The following MUC5B variants were observed in gnomAD, a reference collection of about 807,000 sequenced individuals.
The protein encoded by MUC5B is mucin 5B, oligomeric mucus/gel-forming.
A neutral mutation model predicts 376.9 loss-of-function variants in MUC5B; 116 were observed. The ratio of observed to expected loss-of-function variants is 0.31; its 90% CI spans 0.26 to 0.36. The LOEUF (loss-of-function observed/expected upper bound fraction) is 0.36. Among genes scored for constraint, MUC5B ranks in the 10% least tolerant of loss-of-function variants. MUC5B has a pLI of 1.00. For synonymous variants in MUC5B, 3,517 were observed against 3,390.9 expected (o/e 1.04, Z -1.29); for missense variants, 7,165 against 7,769.9 (o/e 0.92, Z 2.93).
chr11:1,258,825 A>G lies in MUC5B; in HGVS notation c.16594-117A>G. ...TGGGTCCATGCTCAGCCAGGGGTGCATCTATGCTCCATCTGAGGAAGGAAC... is the reference window on the plus strand; with the variant it reads ...TGGGTCCATGCTCAGCCAGGGGTGCGTCTATGCTCCATCTGAGGAAGGAAC... On this transcript the variant is annotated intron_variant, in intron 43 of 48. Transcript: ENST00000529681. This position sits in a 1 kb window ranked among gnomAD's most constrained non-coding sequence, Gnocchi z 5.5. 1 of 1,389,560 alleles carries G rather than the reference A, an allele frequency of 7.2e-7. No homozygotes were observed. Among genetic ancestry groups the G allele is most frequent in the Non-Finnish European group, 9.7e-7 (1 of 1,030,752 alleles). 86.1% of individuals were successfully genotyped at this position (1,389,560 alleles called of 1,614,324 possible). A position where few individuals can be genotyped will look rare whatever the true frequency, so the allele number is the denominator to read the frequency against.
rs1039817427 is a variant in MUC5B at position 1,241,835 on chromosome 11, C to A, written c.4955C>A (p.Thr1652Asn). 1.1e-5 allele frequency: 17 copies of A among 1,613,348 alleles called. No individual in the cohort carries two copies. The African/African-American group carries it at 1.5e-4, about 14-fold the overall frequency. ...APPASTTAVPTLSEGLTSPRY... is the reference protein window; with the variant it reads ...APPASTTAVPNLSEGLTSPRY... ...CCGGCCAGCACCACAGCAGTCCCCACCCTCTCAGAAGGACTGACATCCCCC... is the reference window on the plus strand; with the variant it reads ...CCGGCCAGCACCACAGCAGTCCCCAACCTCTCAGAAGGACTGACATCCCCC... The change falls in exon 31 of 49, where the codon ACC becomes AAC. Residue 1652 changes from threonine to asparagine, a missense_variant. Transcript: ENST00000529681.
In MUC5B at chr11:1,227,790, C is replaced by T. The variant is rs1253309723; in HGVS notation, c.774+9C>T. 2 of 700,334 alleles carry T rather than the reference C, an allele frequency of 2.9e-6. No homozygotes were observed. Among genetic ancestry groups the T allele is most frequent in the East Asian group, 5.4e-5 (2 of 36,716 alleles). The allele number at this position is 700,334 out of a possible 1,614,324, so 43.4% of individuals were successfully genotyped here. A position where few individuals can be genotyped will look rare whatever the true frequency, so the allele number is the denominator to read the frequency against. ...GCAACTGCACGGACGAGGTGAGTCC[C>T]CCGCCACCCCCAGCTCCTGGGCAGG... is the stretch of plus-strand genomic sequence containing the variant. On this transcript the variant is annotated intron_variant, in intron 7 of 48. Coordinates refer to ENST00000529681, the MANE Select transcript of MUC5B (RefSeq NM_002458.3).
At chr11:1,260,281 T>A in intron 46 of MUC5B, 70 bp from the exon 47 acceptor site, 1 of 1,399,340 alleles carries the variant, frequency 7.1e-7, no homozygotes, top group Non-Finnish European at 9.8e-7. Flanking sequence ...GGTGGGCCCC[T>A]CCCCAGGAGG....
In MUC5B at chr11:1,261,698, G is replaced by GC; in HGVS notation, c.*96dup. 2 of 1,314,060 alleles carry GC rather than the reference G, an allele frequency of 1.5e-6. No individual in the cohort carries two copies. Among genetic ancestry groups the GC allele is most frequent in the Non-Finnish European group, 2.1e-6 (2 of 941,960 alleles). 81.4% of individuals were successfully genotyped at this position (1,314,060 alleles called of 1,614,324 possible). ...GAAAACCTTGGGCCTCCTCTGCGGA[G>GC]CCCCCCGGCCTGTGTGTGGCACCCC... On this transcript the variant is annotated 3_prime_UTR_variant, in exon 49 of 49. Transcript: ENST00000529681.
rs753214381 is a variant in MUC5B at position 1,229,680 on chromosome 11, C to A, written c.1103-10C>A. ...CATGGGCCGGCCCTGCCTCACGCCG[C>A]GCCCCACAGGCACGGTGCTGGATGA... On this transcript the variant is annotated splice_polypyrimidine_tract_variant and intron_variant, in intron 9 of 48. Transcript: ENST00000529681. 6.4e-7 allele frequency: 1 copy of A among 1,554,094 alleles called. No individual in the cohort carries two copies. Among genetic ancestry groups the A allele is most frequent in the South Asian group, 1.2e-5 (1 of 85,074 alleles).
rs55750109 is a variant in MUC5B, at chr11:1,252,243, G to A, written c.14864-100G>A. The A allele has an allele frequency of 2.4e-3, 2,863 of 1,206,788 alleles. 50 individuals are homozygous for A. In the African/African-American group the frequency reaches 0.038, roughly 16 times the overall value. 74.8% of individuals were successfully genotyped at this position (1,206,788 alleles called of 1,614,324 possible). A position where few individuals can be genotyped will look rare whatever the true frequency, so the allele number is the denominator to read the frequency against. Reference sequence around the variant, plus strand: ...CCTCTCCACTCCCTTCCCTGGAACCGCTGCTCCCTCCTGCGCTGACCTCTG... The same window carrying A: ...CCTCTCCACTCCCTTCCCTGGAACCACTGCTCCCTCCTGCGCTGACCTCTG... On this transcript the variant is annotated intron_variant, in intron 31 of 48. Coordinates refer to ENST00000529681, the MANE Select transcript of MUC5B (RefSeq NM_002458.3).
chr11:1,243,207 C>T lies in MUC5B; in HGVS notation c.6327C>T (p.Thr2109=), dbSNP rs1862341711. 1 of 1,586,878 alleles carries T rather than the reference C, an allele frequency of 6.3e-7. No individual in the cohort carries two copies. The highest frequency in any genetic ancestry group is 1.4e-5 in the African/African-American group (1 of 73,722). The change falls in exon 31 of 49, where the codon ACC becomes ACT. Residue 2109 remains threonine (T), a synonymous_variant. Transcript: ENST00000529681. ...CCGCCACAGTGCTGACCACCACCAC[C>T]ACAACTGTGGCCACTGGTTCTATGG... The part of the protein sequence containing the change: ...THTATVLTTT[T]TTVATGSMAT...
Position 1,248,071 on chromosome 11 carries a change from G to A in MUC5B, c.11191G>A (p.Val3731Met), listed in dbSNP as rs201681349. The A allele has an allele frequency of 2.5e-5, 40 of 1,603,502 alleles. No homozygotes were observed. Among genetic ancestry groups the A allele is most frequent in the Admixed American group, 3.4e-5 (2 of 59,404 alleles). ...ILTEPSTTATVTVPTGSTATA... is the reference protein window; with the variant it reads ...ILTEPSTTATMTVPTGSTATA... ...CACAGAGCCGAGCACTACAGCCACC[G>A]TGACGGTGCCCACCGGATCCACGGC... Residue 3731 changes from valine (V) to methionine (M), a missense_variant, in exon 31 of 49, where the codon GTG (valine) becomes ATG (methionine). By Grantham distance (21) the Val-to-Met change is conservative. Around this residue, in one of 31 missense-constraint regions of MUC5B, gnomAD observed 72 missense variants for 127.8 expected, o/e 0.56. Coordinates refer to ENST00000529681, the MANE Select transcript of MUC5B (RefSeq NM_002458.3).
Position 1,247,019 on chromosome 11 carries a change from G to T in MUC5B, c.10139G>T (p.Ser3380Ile), listed in dbSNP as rs1211701708. 2 of 1,551,808 alleles carry T rather than the reference G, an allele frequency of 1.3e-6. No individual in the cohort carries two copies. Among genetic ancestry groups the T allele is most frequent in the South Asian group, 1.2e-5 (1 of 84,782 alleles). ...ATGSMATPSS[S>I]TQTSGTPPSL... The stretch of plus-strand genomic sequence containing the variant: ...GGTTCTATGGCAACACCCTCCTCTA[G>T]CACACAGACCAGTGGTACTCCCCCA... Residue 3380 changes from serine (S) to isoleucine (I), a missense_variant, in exon 31 of 49, where the codon AGC (serine) becomes ATC (isoleucine). By Grantham distance (142) the Ser-to-Ile change is moderately radical. Transcript: ENST00000529681.
chr11:1,245,846 C>A lies in MUC5B; in HGVS notation c.8966C>A (p.Thr2989Lys). The A allele has an allele frequency of 1.2e-6, 2 of 1,613,564 alleles. No homozygotes were observed. The highest frequency in any genetic ancestry group is 1.7e-6 in the Non-Finnish European group (2 of 1,179,838). The change falls in exon 31 of 49, where the codon ACG becomes AAG. Residue 2989 changes from threonine (T) to lysine (K), a missense_variant. By Grantham distance (78) the Thr-to-Lys change is moderately conservative. Around this residue, in one of 31 missense-constraint regions of MUC5B, gnomAD observed 939 missense variants for 770.6 expected, o/e 1.22. Transcript: ENST00000529681. Reference sequence around the variant, plus strand: ...GCCACGCCCTCCTCCACTCCAGGGACGACCTGGATCCTCACAGAGCAGACC... The same window carrying A: ...GCCACGCCCTCCTCCACTCCAGGGAAGACCTGGATCCTCACAGAGCAGACC... ...STATPSSTPG[T>K]TWILTEQTTA...
In MUC5B at chr11:1,229,545, C is replaced by T. The variant is rs2133808785; in HGVS notation, c.1103-145C>T. 6 of 821,360 alleles carry T rather than the reference C, an allele frequency of 7.3e-6. No individual in the cohort carries two copies. The East Asian group carries it at 1.6e-4, about 22-fold the overall frequency. 50.9% of individuals were successfully genotyped at this position (821,360 alleles called of 1,614,324 possible). On this transcript the variant is annotated intron_variant, in intron 9 of 48. Transcript: ENST00000529681. ...AGGCCCAGAGGTGCTTGGTGTTCAT[C>T]CAAGCGAGTGCAGCTCAGGGCGGGG...
At position 1,227,155 on chromosome 11, in the gene MUC5B, C is replaced by G; in HGVS notation, c.576+10C>G. ...AGAGGACAGTGCCCTGGTGAGGAAG[C>G]CCCCTCGCCCCTTGCCCCTTCAGGC... On this transcript the variant is annotated intron_variant, in intron 5 of 48. Coordinates refer to ENST00000529681, the MANE Select transcript of MUC5B (RefSeq NM_002458.3). The G allele has an allele frequency of 6.2e-6, 10 of 1,606,394 alleles. No individual in the cohort carries two copies. The highest frequency in any genetic ancestry group is 8.5e-6 in the Non-Finnish European group (10 of 1,175,160).
rs372360996 is a variant in MUC5B, at chr11:1,244,365, T to G, written c.7485T>G (p.His2495Gln). 396 of 1,592,548 alleles carry G rather than the reference T, an allele frequency of 2.5e-4. 1 individual carries two copies. In the African/African-American group the frequency reaches 4.6e-3, roughly 19 times the overall value. The change falls in exon 31 of 49, where the codon CAT (histidine) becomes CAG (glutamine). Residue 2495 changes from histidine to glutamine, a missense_variant. By Grantham distance (24) the His-to-Gln change is conservative. This residue lies in a region of MUC5B where 194 missense variants were observed against 268.5 expected (regional missense o/e 0.72). Coordinates refer to ENST00000529681, the MANE Select transcript of MUC5B (RefSeq NM_002458.3). The stretch of plus-strand genomic sequence containing the variant: ...CCCAGGCAACTGCTGGCACCCCACA[T>G]GTGAGCACCACGGCCACGACACCCA... ...SSTQATAGTP[H>Q]VSTTATTPTV...
In MUC5B at chr11:1,231,447, C is replaced by T. The variant is rs1445828790; in HGVS notation, c.1565C>T (p.Ser522Leu). 6.2e-7 allele frequency: 1 copy of T among 1,612,100 alleles called. No individual in the cohort carries two copies. Among genetic ancestry groups the T allele is most frequent in the Non-Finnish European group, 8.5e-7 (1 of 1,179,536 alleles). The change falls in exon 14 of 49, where the codon TCG becomes TTG. Residue 522 changes from serine to leucine, a missense_variant. Ser to Leu is a moderately radical substitution (Grantham distance 145). This residue lies in a region of MUC5B where 640 missense variants were observed against 733.0 expected (regional missense o/e 0.87). Transcript: ENST00000529681. ...SAANITLFTP[S>L]SFFIVVQTGL... ...GCCAACATCACCCTGTTCACACCCTCGAGCTTCTTCATCGTGGTGCAGACA... is the reference window on the plus strand; with the variant it reads ...GCCAACATCACCCTGTTCACACCCTTGAGCTTCTTCATCGTGGTGCAGACA...
At chr11:1,238,197 C>G (rs1371887885) in intron 25 of MUC5B, among the ~76,000 whole-genome samples, 6 of 152,194 alleles carry the variant, frequency 3.9e-5, no homozygotes, top group Non-Finnish European at 5.9e-5. Context: ...CAGCTCAGCT[C>G]CCCGCGTGGC....
In MUC5B at chr11:1,246,273, G is replaced by C. The variant is rs778855110; in HGVS notation, c.9393G>C (p.Thr3131=). 6.2e-7 allele frequency: 1 copy of C among 1,608,780 alleles called. No homozygotes were observed. Among genetic ancestry groups the C allele is most frequent in the Non-Finnish European group, 8.5e-7 (1 of 1,178,208 alleles). ...SMSTPSSTPG[T]TWILTELTTA... ...CCACCCCCTCCTCCACTCCGGGGACGACCTGGATCCTCACAGAGCTGACCA... is the reference window on the plus strand; with the variant it reads ...CCACCCCCTCCTCCACTCCGGGGACCACCTGGATCCTCACAGAGCTGACCA... The change falls in exon 31 of 49, where the codon ACG becomes ACC. Residue 3131 remains threonine, a synonymous_variant. Transcript: ENST00000529681.
rs1040049273 is a variant in MUC5B at position 1,255,111 on chromosome 11, C to T, written c.15735C>T (p.Asp5245=). Residue 5245 remains aspartate, a synonymous_variant, in exon 36 of 49, where the codon GAC becomes GAT. Transcript: ENST00000529681. Reference sequence around the variant, plus strand: ...GAACCACTGCCGCCAGTTGCAAGGACATGGCCAAGACGTGGCTGGTCCCCG... The same window carrying T: ...GAACCACTGCCGCCAGTTGCAAGGATATGGCCAAGACGTGGCTGGTCCCCG... ...RDGTTAASCK[D]MAKTWLVPDS... The T allele has an allele frequency of 6.3e-7, 1 of 1,587,658 alleles. No individual in the cohort carries two copies. The highest frequency in any genetic ancestry group is 1.1e-5 in the South Asian group (1 of 87,104).
Position 1,250,780 on chromosome 11 carries a change from G to T in MUC5B, c.13900G>T (p.Gly4634Cys). 1 of 1,612,324 alleles carries T rather than the reference G, an allele frequency of 6.2e-7. No homozygotes were observed. The change falls in exon 31 of 49, where the codon GGC becomes TGC. Residue 4634 changes from glycine (G) to cysteine (C), a missense_variant. By Grantham distance (159) the Gly-to-Cys change is radical (BLOSUM62 -3). Around this residue, in one of 31 missense-constraint regions of MUC5B, gnomAD observed 730 missense variants for 592.7 expected, o/e 1.23. Transcript: ENST00000529681. ...CACAACCACCACACCCACAACCAGT[G>T]GCTCCACGGTGACCCCCTCCTCCAT... The part of the protein sequence containing the change: ...TPTTTTPTTS[G>C]STVTPSSIPG...
chr11:1,244,522 A>C lies in MUC5B; in HGVS notation c.7642A>C (p.Thr2548Pro). 1 of 1,531,356 alleles carries C rather than the reference A, an allele frequency of 6.5e-7. No individual in the cohort carries two copies. Among genetic ancestry groups the C allele is most frequent in the Non-Finnish European group, 9.0e-7 (1 of 1,117,074 alleles). The allele number at this position is 1,531,356 out of a possible 1,614,324, so 94.9% of individuals were successfully genotyped here. A position where few individuals can be genotyped will look rare whatever the true frequency, so the allele number is the denominator to read the frequency against. The change falls in exon 31 of 49, where the codon ACC becomes CCC. Residue 2548 changes from threonine (T) to proline (P), a missense_variant. Physicochemically the swap from Thr to Pro is conservative, Grantham distance 38. Transcript: ENST00000529681. ...CATCCCCTCCTCCTCCCTGGGCACC[A>C]CCTGGACCCGCCTATCACAGACCAC... ...TAIPSSSLGT[T>P]WTRLSQTTTP...
Sources: allele counts gnomAD v4.1 joint callset (sites outside exome capture counted in the v4.1 genomes callset), GRCh38; gene constraint gnomAD v4.1.1; regional missense constraint gnomAD v4.1.1; non-coding constraint Gnocchi (gnomAD v3.1); transcripts MANE v1.5; gene names NCBI Gene and HGNC (gene_info 2026-07-23, HGNC 2026-07-21).